The following ELF3 variants were observed in gnomAD, a reference collection of about 807,000 sequenced individuals.
The protein encoded by ELF3 is E74 like ETS transcription factor 3.
ELF3 carries 18 observed loss-of-function variants against 43.9 expected under a neutral mutation model. The observed-to-expected ratio is 0.41, with a 90% CI of 0.28 to 0.61. The LOEUF is 0.61. ELF3 is among the 20% of genes least tolerant of loss of function. The probability of loss-of-function intolerance (pLI) is 0.30; values close to 1 mark genes in which losing one functional copy is unlikely to be tolerated. For missense variants in ELF3, 373 were observed against 487.7 expected (o/e 0.76, Z 2.21); for synonymous variants, 181 against 190.2 (o/e 0.95, Z 0.40).
chr1:202,013,670 C>A lies in ELF3; in HGVS notation c.806-159C>A. The A allele has an allele frequency of 3.8e-6, 3 of 780,916 alleles. No individual in the cohort carries two copies. The highest frequency in any genetic ancestry group is 6.1e-6 in the Non-Finnish European group (3 of 490,586). The allele number at this position is 780,916 out of a possible 1,614,324, so 48.4% of individuals were successfully genotyped here. On this transcript the variant is annotated intron_variant, in intron 7 of 8. Transcript: ENST00000367284. This position sits in a 1 kb window ranked among gnomAD's most constrained non-coding sequence, Gnocchi z 5.7. ...GTCTTAGGTGGGCTGAGGAGAAAAG[C>A]AGTCACTGCAGTACCCGCACAGAGG...
chr1:202,012,453 T>C lies in ELF3; in HGVS notation c.478+17T>C. 1.2e-6 allele frequency: 2 copies of C among 1,612,706 alleles called. No homozygotes were observed. The highest frequency in any genetic ancestry group is 2.2e-5 in the East Asian group (1 of 44,880). On this transcript the variant is annotated intron_variant, in intron 4 of 8. Coordinates refer to ENST00000367284, the MANE Select transcript of ELF3 (RefSeq NM_004433.5). This position sits in a 1 kb window ranked among gnomAD's most constrained non-coding sequence, Gnocchi z 4.2. ...GGCCCTTTGGTGAGAACCCGTTTTC[T>C]CCTTCCTTCCCCAGCCTGTCTTGTC...
In ELF3 at chr1:202,015,425, TC is replaced by T; in HGVS notation, c.*105del. 1.8e-6 allele frequency: 2 copies of T among 1,117,322 alleles called. No homozygotes were observed. Among genetic ancestry groups the T allele is most frequent in the Non-Finnish European group, 2.6e-6 (2 of 760,030 alleles). The allele number at this position is 1,117,322 out of a possible 1,614,324, so 69.2% of individuals were successfully genotyped here. On this transcript the variant is annotated 3_prime_UTR_variant, in exon 9 of 9. Transcript: ENST00000367284. ...AGATGGCCCCTCCACTGGGGAATGCTCCCAGCTGTGCTGTGGAGAGAAGCTG... is the reference window on the plus strand; with the variant it reads ...AGATGGCCCCTCCACTGGGGAATGCTCCAGCTGTGCTGTGGAGAGAAGCTG...
At position 202,013,148 on chromosome 1, in the gene ELF3, GC is replaced by G. The variant is rs1558274159; in HGVS notation, c.689-30del. The G allele has an allele frequency of 6.2e-7, 1 of 1,611,214 alleles. No individual in the cohort carries two copies. The highest frequency in any genetic ancestry group is 1.3e-5 in the African/African-American group (1 of 74,994). ...GGCTACTCTCCCTAACTCCCCTCTT[GC>G]CCCTCCTTGACCTTCCACCACCGTC... On this transcript the variant is annotated intron_variant, in intron 6 of 8. Transcript: ENST00000367284. This position sits in a 1 kb window ranked among gnomAD's most constrained non-coding sequence, Gnocchi z 5.7.
rs1684246412 is a variant in ELF3 at position 202,013,216 on chromosome 1, G to A, written c.723G>A (p.Lys241=). ...GFRDCKKGDP[K]HGKRKRGRPR... Reference sequence around the variant, plus strand: ...GTGACTGCAAGAAGGGGGATCCCAAGCACGGGAAGCGGAAACGAGGCCGGC... The same window carrying A: ...GTGACTGCAAGAAGGGGGATCCCAAACACGGGAAGCGGAAACGAGGCCGGC... The change falls in exon 7 of 9, where the codon AAG becomes AAA. Residue 241 remains lysine (K), a synonymous_variant. Coordinates refer to ENST00000367284, the MANE Select transcript of ELF3 (RefSeq NM_004433.5). The surrounding 1 kb of genome is among the most constrained non-coding windows in gnomAD (Gnocchi z 5.7). 1.2e-6 allele frequency: 2 copies of A among 1,613,992 alleles called. No individual in the cohort carries two copies. The highest frequency in any genetic ancestry group is 1.7e-6 in the Non-Finnish European group (2 of 1,180,030).
Position 202,012,610 on chromosome 1 carries a change from C to T in ELF3, c.479-30C>T, listed in dbSNP as rs1331911225. ...CCTGTCCTGGTCTGGTCCCCTGAGC[C>T]CTCTCTGAGTTCTCACCTCCTCTTC... On this transcript the variant is annotated intron_variant, in intron 4 of 8. Coordinates refer to ENST00000367284, the MANE Select transcript of ELF3 (RefSeq NM_004433.5). This position sits in a 1 kb window ranked among gnomAD's most constrained non-coding sequence, Gnocchi z 4.2. 6.4e-7 allele frequency: 1 copy of T among 1,559,812 alleles called. No homozygotes were observed. The highest frequency in any genetic ancestry group is 8.7e-7 in the Non-Finnish European group (1 of 1,152,874).
intron 2 of ELF3, 94 bp downstream of exon 2, chr1:202,011,393 T>C: frequency 1.4e-6 from 2 of 1,438,448 alleles, no homozygotes; most frequent in Non-Finnish European, 1.8e-6. Flanking sequence ...GGGAGGAGGG[T>C]CTCTAGGCAA....
Position 202,013,440 on chromosome 1 carries a change from T to C in ELF3, c.805+142T>C. ...GTAAGGCTGTGCACAAGCTGGGGGCTCTATGGTATCGGTCACCACCTAATT... is the reference window on the plus strand; with the variant it reads ...GTAAGGCTGTGCACAAGCTGGGGGCCCTATGGTATCGGTCACCACCTAATT... On this transcript the variant is annotated intron_variant, in intron 7 of 8. Coordinates refer to ENST00000367284, the MANE Select transcript of ELF3 (RefSeq NM_004433.5). The surrounding 1 kb of genome is among the most constrained non-coding windows in gnomAD (Gnocchi z 5.7). 1.2e-6 allele frequency: 1 copy of C among 840,996 alleles called. No individual in the cohort carries two copies. Among genetic ancestry groups the C allele is most frequent in the African/African-American group, 1.7e-5 (1 of 59,158 alleles). The allele number at this position is 840,996 out of a possible 1,614,324, so 52.1% of individuals were successfully genotyped here.
intron 8 of ELF3, among the ~76,000 whole-genome samples, chr1:202,014,284 G>T (rs1284950169): frequency 6.6e-6 from 1 of 152,216 alleles, no homozygotes; most frequent in Non-Finnish European, 1.5e-5. Flanking sequence ...CCTCAGGAAG[G>T]CACCTGGAGA....
Position 202,013,366 on chromosome 1 carries a change from G to C in ELF3, c.805+68G>C. On this transcript the variant is annotated intron_variant, in intron 7 of 8. Coordinates refer to ENST00000367284, the MANE Select transcript of ELF3 (RefSeq NM_004433.5). This position sits in a 1 kb window ranked among gnomAD's most constrained non-coding sequence, Gnocchi z 5.7. ...GCGGCTTCCTGGGGCACTGCGGGTT[G>C]TTGCAGGTATCCCTTCTCCCGTTTT... The C allele has an allele frequency of 6.7e-7, 1 of 1,502,082 alleles. No homozygotes were observed. The highest frequency in any genetic ancestry group is 1.8e-5 in the Admixed American group (1 of 55,884). The allele number at this position is 1,502,082 out of a possible 1,614,324, so 93.0% of individuals were successfully genotyped here.
rs1306643304 is a variant in ELF3, at chr1:202,012,481, A to G, written c.478+45A>G. The G allele has an allele frequency of 1.2e-6, 2 of 1,606,190 alleles. No homozygotes were observed. The highest frequency in any genetic ancestry group is 1.3e-5 in the African/African-American group (1 of 74,594). Reference sequence around the variant, plus strand: ...TTCCTTCCCCAGCCTGTCTTGTCCCATCCCTGCCCCTCCACAGAGTGCTAG... The same window carrying G: ...TTCCTTCCCCAGCCTGTCTTGTCCCGTCCCTGCCCCTCCACAGAGTGCTAG... On this transcript the variant is annotated intron_variant, in intron 4 of 8. Coordinates refer to ENST00000367284, the MANE Select transcript of ELF3 (RefSeq NM_004433.5). This position sits in a 1 kb window ranked among gnomAD's most constrained non-coding sequence, Gnocchi z 4.2.
chr1:202,011,877 CAA>C (rs1169377361), intron 2 of ELF3, 78 bp from the exon 3 acceptor site: 38,107 of 1,196,162 alleles, frequency 0.032, 314 homozygotes, highest in African/African-American at 0.13. Context: ...GACTCCATCT[CAA>C]AAAAAAAAAA....
At position 202,013,030 on chromosome 1, in the gene ELF3, C is replaced by T. The variant is rs772992282; in HGVS notation, c.682C>T (p.Pro228Ser). The change falls in exon 6 of 9, where the codon CCC (proline) becomes TCC (serine). Residue 228 changes from proline (P) to serine (S), a missense_variant. Pro to Ser is a moderately conservative substitution (Grantham distance 74). Coordinates refer to ENST00000367284, the MANE Select transcript of ELF3 (RefSeq NM_004433.5). The surrounding 1 kb of genome is among the most constrained non-coding windows in gnomAD (Gnocchi z 5.7). ...DLDPTDGKLF[P>S]SDGFRDCKKG... Reference sequence around the variant, plus strand: ...GGATCCCACTGATGGCAAGCTCTTCCCCAGCGGTGAGTCGAGGGAGGTCCC... The same window carrying T: ...GGATCCCACTGATGGCAAGCTCTTCTCCAGCGGTGAGTCGAGGGAGGTCCC... 7 of 1,613,268 alleles carry T rather than the reference C, an allele frequency of 4.3e-6. No homozygotes were observed. The Admixed American group carries it at 1.0e-4, about 23-fold the overall frequency.
At chr1:202,011,329 G>T (rs553069764) in intron 2 of ELF3, 30 bp downstream of exon 2, 2 of 1,531,454 alleles carry the variant, frequency 1.3e-6, no homozygotes, top group East Asian at 2.4e-5. Flanking sequence ...GATGGGGCAC[G>T]GAGTGGGAGA....
Position 202,012,964 on chromosome 1 carries a change from A to C in ELF3, c.616A>C (p.Ser206Arg), listed in dbSNP as rs765838091. 6.2e-7 allele frequency: 1 copy of C among 1,612,696 alleles called. No individual in the cohort carries two copies. The highest frequency in any genetic ancestry group is 2.2e-5 in the East Asian group (1 of 44,864). Residue 206 changes from serine (S) to arginine (R), a missense_variant, in exon 6 of 9, where the codon AGC becomes CGC. Transcript: ENST00000367284. The surrounding 1 kb of genome is among the most constrained non-coding windows in gnomAD (Gnocchi z 4.2). ...CCCCCCAGGGACTGGTGCTTCTCGG[A>C]GCTCCCACTCCTCAGACTCCGGTGG... The part of the protein sequence containing the change: ...VSTAGTGASR[S>R]SHSSDSGGSD...
intron 8 of ELF3, 82 bp downstream of exon 8, chr1:202,014,106 C>G: frequency 1.4e-6 from 2 of 1,471,508 alleles, no homozygotes; most frequent in South Asian, 1.4e-5. Flanking sequence ...TTTCTGGCTG[C>G]CACTTGGCTT....
rs1436672511 is a variant in ELF3, at chr1:202,010,998, C to T, written c.-8-131C>T. The T allele has an allele frequency of 2.1e-5, 20 of 969,974 alleles. No homozygotes were observed. Among genetic ancestry groups the T allele is most frequent in the South Asian group, 1.8e-4 (11 of 62,640 alleles). 60.1% of individuals were successfully genotyped at this position (969,974 alleles called of 1,614,324 possible). ...GAGCCCTTCTTGAAGAGACGGTGTCCGCAGAGTTGCTGATCTTCCTGCCCC... is the reference window on the plus strand; with the variant it reads ...GAGCCCTTCTTGAAGAGACGGTGTCTGCAGAGTTGCTGATCTTCCTGCCCC... On this transcript the variant is annotated intron_variant, in intron 1 of 8. Coordinates refer to ENST00000367284, the MANE Select transcript of ELF3 (RefSeq NM_004433.5). This position sits in a 1 kb window ranked among gnomAD's most constrained non-coding sequence, Gnocchi z 4.3.
intron 8 of ELF3, 79 bp from the exon 9 acceptor site, chr1:202,015,130 C>A: frequency 6.8e-7 from 1 of 1,466,390 alleles, no homozygotes; most frequent in Non-Finnish European, 9.5e-7. Flanking sequence ...CTGGGGGTAA[C>A]GCGGGCCAGG....
At position 202,016,892 on chromosome 1, in the gene ELF3, C is replaced by T. The variant is rs1684319813; in HGVS notation, c.*1569C>T. The T allele has an allele frequency of 6.6e-6, 1 of 152,170 alleles. No homozygotes were observed. Among genetic ancestry groups the T allele is most frequent in the African/African-American group, 2.4e-5 (1 of 41,434 alleles). The allele number at this position is 152,170 out of a possible 1,614,324, so 9.4% of individuals were successfully genotyped here. A position where few individuals can be genotyped will look rare whatever the true frequency, so the allele number is the denominator to read the frequency against. ...GTGTGCCTTGATTCTGTCCTAAAAC[C>T]GTTTCCCGGAAGCTTTTCCTGGTGT... On this transcript the variant is annotated 3_prime_UTR_variant, in exon 9 of 9. Transcript: ENST00000367284.
intron 8 of ELF3, 122 bp downstream of exon 8, chr1:202,014,146 G>A: frequency 8.4e-7 from 1 of 1,197,448 alleles, no homozygotes; most frequent in South Asian, 1.6e-5. Flanking sequence ...CTTAGAGTGA[G>A]GACAACATCT....
Sources: gnomAD v4.1 joint callset for allele counts (sites outside exome capture counted in the v4.1 genomes callset) on GRCh38, gnomAD v4.1.1 for gene constraint, Gnocchi (gnomAD v3.1) non-coding constraint, MANE v1.5 for transcripts, NCBI Gene and HGNC (gene_info 2026-07-23, HGNC 2026-07-21) for gene names.